Variants in CHST11 observed in about 807,000 individuals in gnomAD.
The protein encoded by CHST11 is carbohydrate sulfotransferase 11, also known as C4S-1.
Under a neutral mutation model 30.4 loss-of-function variants are expected in CHST11, and 9 were observed. The observed-to-expected ratio is 0.30, with a 90% CI of 0.18 to 0.52. CHST11 has a LOEUF of 0.52. Among genes scored for constraint, CHST11 ranks in the 20% least tolerant of loss-of-function variants. The pLI is 0.97. For missense variants in CHST11, 348 were observed against 460.6 expected, an observed-to-expected ratio of 0.76 and a Z score of 2.24; for synonymous variants, 152 against 187.8, an observed-to-expected ratio of 0.81 and a Z score of 1.56.
chr12:104,513,996 G>T lies in CHST11; in HGVS notation c.118+56467G>T. The stretch of plus-strand genomic sequence containing the variant: ...GGGCGAGTGCTGTGGGCTTAGCAGG[G>T]GCTGCAGGGCAGTGGGAGTGCAGAC... On this transcript the variant is annotated intron_variant, in intron 1 of 2. Transcript: ENST00000303694. The T allele has an allele frequency of 2.8e-6, 2 of 716,272 alleles. 1 individual carries two copies. Among genetic ancestry groups the T allele is most frequent in the South Asian group, 2.8e-5 (2 of 71,132 alleles). 44.4% of individuals were successfully genotyped at this position (716,272 alleles called of 1,614,324 possible). A position where few individuals can be genotyped will look rare whatever the true frequency, so the allele number is the denominator to read the frequency against.
intron 1 of CHST11, among the ~76,000 whole-genome samples, chr12:104,590,084 C>T (rs183392124): frequency 7.2e-5 from 11 of 152,268 alleles, no homozygotes; most frequent in Admixed American, 6.5e-5. Context: ...TATTAGGTGC[C>T]GCATGACCCT....
chr12:104,580,737 T>G (rs1168622938), intron 1 of CHST11, among the ~76,000 whole-genome samples: 2 of 152,152 alleles, frequency 1.3e-5, no homozygotes, highest in Non-Finnish European at 1.5e-5. Flanking sequence ...ATACTTCAGT[T>G]GGAAGGAAGG....
chr12:104,620,303 T>C (rs1430002813), intron 2 of CHST11, among the ~76,000 whole-genome samples: 1 of 152,190 alleles, frequency 6.6e-6, no homozygotes, highest in Admixed American at 6.5e-5. Context: ...CCAGGATAAA[T>C]GAGCTGGAGT....
rs1347095675 is a variant in CHST11 at position 104,457,367 on chromosome 12, G to A, written c.-45G>A. 5 of 1,468,148 alleles carry A rather than the reference G, an allele frequency of 3.4e-6. No homozygotes were observed. Among genetic ancestry groups the A allele is most frequent in the Non-Finnish European group, 3.8e-6 (4 of 1,053,692 alleles). The allele number at this position is 1,468,148 out of a possible 1,614,324, so 90.9% of individuals were successfully genotyped here. ...GCGGGGTCCCTGCTCCTGCGCCCCG[G>A]GCGCGCTTCCCGGACACCCCGGTCC... On this transcript the variant is annotated 5_prime_UTR_variant, in exon 1 of 3. Transcript: ENST00000303694.
chr12:104,586,615 G>A (rs1396403180), intron 1 of CHST11, among the ~76,000 whole-genome samples: 10 of 152,252 alleles, frequency 6.6e-5, no homozygotes, highest in African/African-American at 2.4e-4. Flanking sequence ...AGACATCAGC[G>A]TGTCCAGGTT....
At chr12:104,486,274 A>G (rs150464009) in intron 1 of CHST11, among the ~76,000 whole-genome samples, 25 of 149,984 alleles carry the variant, frequency 1.7e-4, no homozygotes, top group Admixed American at 1.0e-3. Context: ...CTTCACATCC[A>G]TGGGGAAAAA....
At position 104,476,361 on chromosome 12, in the gene CHST11, T is replaced by C. The variant is rs2037563440; in HGVS notation, c.118+18832T>C. 2.0e-5 allele frequency among the ~76,000 whole-genome samples: 3 copies of C among 151,522 alleles called. No individual in the cohort carries two copies. In the South Asian group the frequency reaches 6.2e-4, roughly 31 times the overall value. On this transcript the variant is annotated intron_variant, in intron 1 of 2. Coordinates refer to ENST00000303694, the MANE Select transcript of CHST11 (RefSeq NM_018413.6). ...ACACATATATGTAAGATATGTAATA[T>C]ATGTGTGTATATATATTTACAAAGA...
intron 2 of CHST11, among the ~76,000 whole-genome samples, chr12:104,651,940 G>A (rs894255832): frequency 8.5e-5 from 13 of 152,244 alleles, no homozygotes; most frequent in East Asian, 1.9e-4. Flanking sequence ...TTAACATTTC[G>A]TTCTCATTCT....
intron 2 of CHST11, among the ~76,000 whole-genome samples, chr12:104,756,056 A>T (rs2040472321): frequency 1.3e-5 from 2 of 152,234 alleles, no homozygotes; most frequent in Admixed American, 6.5e-5. Context: ...ACACCACCTC[A>T]TCTGTAGCTC....
At chr12:104,540,250 A>G (rs2136000903) in intron 1 of CHST11, among the ~76,000 whole-genome samples, 1 of 152,358 alleles carries the variant, frequency 6.6e-6, no homozygotes, top group Non-Finnish European at 1.5e-5. Context: ...TGTACAGGAC[A>G]AAAAGTCATA....
chr12:104,759,318 T>G lies in CHST11; in HGVS notation c.*1515T>G, dbSNP rs1260783864. 1.3e-5 allele frequency: 2 copies of G among 152,194 alleles called. No homozygotes were observed. Among genetic ancestry groups the G allele is most frequent in the Non-Finnish European group, 2.9e-5 (2 of 68,040 alleles). 9.4% of individuals were successfully genotyped at this position (152,194 alleles called of 1,614,324 possible). ...AAGCCTGGAAACTTTTCATTTCCTG[T>G]TCCTTGCTAATTAACATCTAAACAT... On this transcript the variant is annotated 3_prime_UTR_variant, in exon 3 of 3. Coordinates refer to ENST00000303694, the MANE Select transcript of CHST11 (RefSeq NM_018413.6).
At chr12:104,740,130 T>G (rs1271654868) in intron 2 of CHST11, among the ~76,000 whole-genome samples, 2 of 152,306 alleles carry the variant, frequency 1.3e-5, no homozygotes, top group Non-Finnish European at 2.9e-5. Context: ...AAGAAAAAAA[T>G]GCAAAGACTT....
chr12:104,475,026 TGACTACTTA>T (rs2037544249), intron 1 of CHST11, among the ~76,000 whole-genome samples: 1 of 152,216 alleles, frequency 6.6e-6, no homozygotes, highest in African/African-American at 2.4e-5. Context: ...ATTTTGCAGT[TGACTACTTA>T]GACTATTTAG....
chr12:104,526,720 GT>G (rs1348783414), intron 1 of CHST11, among the ~76,000 whole-genome samples: 16 of 152,214 alleles, frequency 1.1e-4, no homozygotes, highest in African/African-American at 3.9e-4. Context: ...AGGTAGAAAT[GT>G]TTAGCTTCTG....
intron 1 of CHST11, among the ~76,000 whole-genome samples, chr12:104,529,193 A>G (rs1446059800): frequency 5.9e-5 from 9 of 152,220 alleles, no homozygotes; most frequent in South Asian, 2.1e-4. Context: ...AGTTGTGCCT[A>G]CTTACTCTTT....
intron 2 of CHST11, among the ~76,000 whole-genome samples, chr12:104,663,815 A>G (rs1304212713): frequency 6.6e-6 from 1 of 152,174 alleles, no homozygotes; most frequent in African/African-American, 2.4e-5. Context: ...TTTATTAACA[A>G]GTTCCCAAGG....
chr12:104,653,072 C>T (rs12230274), intron 2 of CHST11, among the ~76,000 whole-genome samples: 65,704 of 152,008 alleles, frequency 0.43, 14,628 homozygotes, highest in South Asian at 0.51. Flanking sequence ...TACCTTCACA[C>T]TGTTGTGCAA....
chr12:104,523,207 G>A (rs975518423), intron 1 of CHST11, among the ~76,000 whole-genome samples: 1 of 152,206 alleles, frequency 6.6e-6, no homozygotes. Flanking sequence ...TCCACATTGA[G>A]TTTCCTATCT....
intron 2 of CHST11, among the ~76,000 whole-genome samples, chr12:104,694,591 G>A (rs903197506): frequency 1.3e-4 from 20 of 152,174 alleles, no homozygotes; most frequent in African/African-American, 1.9e-4. Context: ...TGAGTTTAAC[G>A]AAGCGGGTGA....
Sources: allele counts gnomAD v4.1 joint callset (sites outside exome capture counted in the v4.1 genomes callset), GRCh38; gene constraint gnomAD v4.1.1; transcripts MANE v1.5; gene names NCBI Gene and HGNC (gene_info 2026-07-23, HGNC 2026-07-21).